TRPS1: variants seen among roughly 807,000 people sequenced by gnomAD.
TRPS1 encodes transcriptional repressor GATA binding 1.
In TRPS1, 6 loss-of-function variants were observed where a neutral mutation model predicts 101.2. That is an observed-to-expected ratio of 0.06 (90% CI 0.03 to 0.12). The LOEUF is 0.12. TRPS1 is among the 10% of genes least tolerant of loss of function. The pLI, the probability that TRPS1 is intolerant of heterozygous loss-of-function variation, is 1.00. For missense variants in TRPS1, 1,363 were observed against 1,567.0 expected, an observed-to-expected ratio of 0.87 and a Z score of 2.20; for synonymous variants, 578 against 589.8, an observed-to-expected ratio of 0.98 and a Z score of 0.29.
intron 1 of TRPS1, among the ~76,000 whole-genome samples, chr8:115,626,420 G>T (rs1818510590): frequency 6.6e-6 from 1 of 151,794 alleles, no homozygotes. Context: ...AAGGAGTTTA[G>T]ATGTTTTCTA....
intron 1 of TRPS1, chr8:115,667,874 T>C: frequency 6.5e-7 from 1 of 1,535,226 alleles, no homozygotes. Flanking sequence ...CCCAACTTAC[T>C]ACTCTGCATG....
At position 115,414,983 on chromosome 8, in the gene TRPS1, C is replaced by T; in HGVS notation, c.2925G>A (p.Gln975=). 2 of 1,577,506 alleles carry T rather than the reference C, an allele frequency of 1.3e-6. No homozygotes were observed. The highest frequency in any genetic ancestry group is 1.7e-4 in the Middle Eastern group (1 of 5,818). ...TGCTGCCCCTCTGCTGTTTGTTGAG[C>T]TGCTCAGCCTGAAGTGCCTCTGGGT... The part of the protein sequence containing the change: ...RLNPEALQAE[Q]LNKQQRGSNE... Residue 975 remains glutamine (Q), a synonymous_variant, in exon 7 of 7, where the codon CAG becomes CAA. Coordinates refer to ENST00000395715, the MANE Select transcript of TRPS1 (RefSeq NM_014112.5). This position sits in a 1 kb window ranked among gnomAD's most constrained non-coding sequence, Gnocchi z 4.8.
Position 115,411,706 on chromosome 8 carries a change from G to T in TRPS1, c.*2317C>A, listed in dbSNP as rs886062616. 1 of 152,268 alleles carries T rather than the reference G, an allele frequency of 6.6e-6. No homozygotes were observed. The highest frequency in any genetic ancestry group is 1.5e-5 in the Non-Finnish European group (1 of 67,960). 9.4% of individuals were successfully genotyped at this position (152,268 alleles called of 1,614,324 possible). On this transcript the variant is annotated 3_prime_UTR_variant, in exon 7 of 7. Transcript: ENST00000395715. Reference sequence around the variant, plus strand: ...CAGTTTATGTGAATATTAGAGCTACGCGACAGGTGAGATCAGAATAAGGCC... The same window carrying T: ...CAGTTTATGTGAATATTAGAGCTACTCGACAGGTGAGATCAGAATAAGGCC...
At chr8:115,538,594 T>TAA (rs10627729) in intron 5 of TRPS1, among the ~76,000 whole-genome samples, 39,771 of 148,328 alleles carry the variant, frequency 0.27, 6,035 homozygotes, top group Middle Eastern at 0.47. Context: ...TTTCAGAAAA[T>TAA]AAAAAAAAAA....
At chr8:115,554,703 G>A (rs1331788990) in intron 5 of TRPS1, among the ~76,000 whole-genome samples, 1 of 152,098 alleles carries the variant, frequency 6.6e-6, no homozygotes, top group Non-Finnish European at 1.5e-5. Context: ...TGTAATAATA[G>A]AAGCAGAAAT....
chr8:115,555,370 T>C (rs965808307), intron 5 of TRPS1, among the ~76,000 whole-genome samples: 1 of 87,236 alleles, frequency 1.1e-5, no homozygotes, highest in African/African-American at 5.1e-5. Context: ...CATCTGTTTC[T>C]CACTTCCAAC....
At chr8:115,609,448 A>G (rs188292809) in intron 3 of TRPS1, among the ~76,000 whole-genome samples, 3 of 152,332 alleles carry the variant, frequency 2.0e-5, no homozygotes, top group African/African-American at 7.2e-5. Flanking sequence ...CACATCTAGA[A>G]GAAAGCAGGA....
At chr8:115,507,246 A>C (rs780049936) in intron 5 of TRPS1, among the ~76,000 whole-genome samples, 8 of 152,092 alleles carry the variant, frequency 5.3e-5, no homozygotes, top group Non-Finnish European at 8.8e-5. Flanking sequence ...TAGGGCTCGT[A>C]CGAGAAGAAG....
chr8:115,501,290 G>C (rs1290805018), intron 5 of TRPS1, among the ~76,000 whole-genome samples: 2 of 152,122 alleles, frequency 1.3e-5, no homozygotes, highest in African/African-American at 4.8e-5. Context: ...CAGCTACTAT[G>C]TTAGGTGGTA....
At chr8:115,615,139 A>G (rs1252980982) in intron 3 of TRPS1, among the ~76,000 whole-genome samples, 2 of 152,214 alleles carry the variant, frequency 1.3e-5, no homozygotes, top group African/African-American at 4.8e-5. Context: ...GAATTTCATT[A>G]AGGGCCAAAA....
At chr8:115,522,501 G>A (rs988632222) in intron 5 of TRPS1, among the ~76,000 whole-genome samples, 31 of 152,048 alleles carry the variant, frequency 2.0e-4, no homozygotes, top group Non-Finnish European at 8.8e-5. Flanking sequence ...GTGTCTGGTC[G>A]CTTTATAATA....
intron 4 of TRPS1, among the ~76,000 whole-genome samples, chr8:115,590,074 G>C (rs960571818): frequency 6.6e-6 from 1 of 151,908 alleles, no homozygotes. Context: ...CCGAGATCAC[G>C]ACACTGTGCT....
At chr8:115,579,591 T>C (rs915053298) in intron 5 of TRPS1, among the ~76,000 whole-genome samples, 2 of 150,104 alleles carry the variant, frequency 1.3e-5, no homozygotes, top group Non-Finnish European at 3.0e-5. Flanking sequence ...TAAATTCTCA[T>C]AAAAGTTTGA....
chr8:115,521,482 T>A (rs1815859730), intron 5 of TRPS1, among the ~76,000 whole-genome samples: 1 of 156 alleles, frequency 6.4e-3, no homozygotes, highest in African/African-American at 0.019. Context: ...CTGAAAGCTC[T>A]CTGTGTTTTC....
chr8:115,658,313 G>A (rs183736584), intron 1 of TRPS1, among the ~76,000 whole-genome samples: 26 of 152,158 alleles, frequency 1.7e-4, no homozygotes, highest in African/African-American at 5.1e-4. Flanking sequence ...ACGCAAAGCC[G>A]GAACTGATGA....
chr8:115,480,557 C>A (rs1814726938), intron 5 of TRPS1, among the ~76,000 whole-genome samples: 1 of 151,954 alleles, frequency 6.6e-6, no homozygotes, highest in South Asian at 2.1e-4. Context: ...TTATTGTCCT[C>A]ATTTTAAGCT....
chr8:115,439,018 T>C (rs1813524075), intron 5 of TRPS1, among the ~76,000 whole-genome samples: 1 of 152,174 alleles, frequency 6.6e-6, no homozygotes, highest in Non-Finnish European at 1.5e-5. Context: ...ACCTGTTCTA[T>C]CCCTGGGACA....
chr8:115,619,437 C>A lies in TRPS1; in HGVS notation c.661G>T (p.Asp221Tyr), dbSNP rs776421916. 1 of 1,614,178 alleles carries A rather than the reference C, an allele frequency of 6.2e-7. No homozygotes were observed. Among genetic ancestry groups the A allele is most frequent in the Non-Finnish European group, 8.5e-7 (1 of 1,180,032 alleles). Residue 221 changes from aspartate (D) to tyrosine (Y), a missense_variant, in exon 3 of 7, where the codon GAC becomes TAC. Asp to Tyr is a radical substitution (Grantham distance 160). Transcript: ENST00000395715. ...GACAGAGGTGCCGGGTCTGGGTTGT[C>A]ATTCACCAGTAAGTCAGTTTTGGAT... ...NKSKTDLLVN[D>Y]NPDPAPLSPE...
chr8:115,566,935 A>G (rs1817081928), intron 5 of TRPS1, among the ~76,000 whole-genome samples: 1 of 152,134 alleles, frequency 6.6e-6, no homozygotes, highest in Non-Finnish European at 1.5e-5. Context: ...TCAAAACCTG[A>G]TAGGATAAAT....
Sources: gnomAD v4.1 joint callset for allele counts (sites outside exome capture counted in the v4.1 genomes callset) on GRCh38, gnomAD v4.1.1 for gene constraint, Gnocchi (gnomAD v3.1) non-coding constraint, MANE v1.5 for transcripts, NCBI Gene and HGNC (gene_info 2026-07-23, HGNC 2026-07-21) for gene names.